The following SIPA1L2 variants were observed in gnomAD, a reference collection of about 807,000 sequenced individuals.
SIPA1L2 encodes the protein signal induced proliferation associated 1 like 2.
Under a neutral mutation model 163.9 loss-of-function variants are expected in SIPA1L2, and 56 were observed. The ratio of observed to expected loss-of-function variants is 0.34; its 90% CI spans 0.28 to 0.43. The LOEUF is 0.43. Among genes scored for constraint, SIPA1L2 ranks in the 20% least tolerant of loss-of-function variants. SIPA1L2 has a pLI of 1.00. For synonymous variants in SIPA1L2, 877 were observed against 865.7 expected, an observed-to-expected ratio of 1.01 and a Z score of -0.23; for missense variants, 1,974 against 2,193.5, an observed-to-expected ratio of 0.90 and a Z score of 2.00.
intron 15 of SIPA1L2, among the ~76,000 whole-genome samples, chr1:232,434,116 C>T (rs371398582): frequency 6.6e-6 from 1 of 152,130 alleles, no homozygotes. Flanking sequence ...ACAGGGTTCC[C>T]GCGGTAGCAA....
chr1:232,528,993 C>T (rs993398765), intron 2 of SIPA1L2, among the ~76,000 whole-genome samples: 3 of 152,180 alleles, frequency 2.0e-5, no homozygotes, highest in African/African-American at 7.2e-5. Context: ...TCTCACACCC[C>T]CACTTTATAA....
At chr1:232,601,170 T>C (rs1661578357) in intron 1 of SIPA1L2, among the ~76,000 whole-genome samples, 1 of 152,198 alleles carries the variant, frequency 6.6e-6, no homozygotes, top group African/African-American at 2.4e-5. Context: ...ACAGGCAAGA[T>C]GAAGACTGCC....
At chr1:232,522,655 G>C (rs1222353650) in intron 2 of SIPA1L2, among the ~76,000 whole-genome samples, 5 of 152,148 alleles carry the variant, frequency 3.3e-5, no homozygotes, top group African/African-American at 9.7e-5. Flanking sequence ...ATGCTGCTGA[G>C]ATGATGGTAA....
At chr1:232,614,269 T>A (rs1366401365) in intron 1 of SIPA1L2, among the ~76,000 whole-genome samples, 3 of 151,888 alleles carry the variant, frequency 2.0e-5, no homozygotes, top group Non-Finnish European at 4.4e-5. Flanking sequence ...TGTTTACCCA[T>A]TAATGGAAAG....
At chr1:232,466,370 A>C (rs948315553) in intron 8 of SIPA1L2, among the ~76,000 whole-genome samples, 5 of 152,244 alleles carry the variant, frequency 3.3e-5, no homozygotes, top group African/African-American at 1.2e-4. Context: ...GATCAAATGC[A>C]TAGTGTTAAT....
At chr1:232,448,151 A>T (rs907021799) in intron 10 of SIPA1L2, among the ~76,000 whole-genome samples, 8 of 152,186 alleles carry the variant, frequency 5.3e-5, no homozygotes, top group Admixed American at 5.2e-4. Context: ...TCTTTAGCCT[A>T]AAATATATGA....
In SIPA1L2 at chr1:232,607,352, T is replaced by C. The variant is rs375832110; in HGVS notation, c.-319+22517A>G. 5.2e-4 allele frequency among the ~76,000 whole-genome samples: 79 copies of C among 152,362 alleles called. 1 individual carries two copies. Among genetic ancestry groups the C allele is most frequent in the African/African-American group, 7.2e-4 (30 of 41,594 alleles). ...TAGCCTTATAAAACAAGATATTTAATTGATTTAAATTACTTGATCATATGC... is the reference window on the plus strand; with the variant it reads ...TAGCCTTATAAAACAAGATATTTAACTGATTTAAATTACTTGATCATATGC... On this transcript the variant is annotated intron_variant, in intron 1 of 22. Transcript: ENST00000674635.
intron 9 of SIPA1L2, among the ~76,000 whole-genome samples, chr1:232,463,414 C>T (rs1471037986): frequency 6.6e-6 from 1 of 152,252 alleles, no homozygotes; most frequent in Non-Finnish European, 1.5e-5. Context: ...ATCCCTTCAA[C>T]AGTCTTTGGT....
chr1:232,441,235 C>T, intron 14 of SIPA1L2, 56 bp downstream of exon 14: 1 of 1,353,116 alleles, frequency 7.4e-7, no homozygotes. Flanking sequence ...CCACTGTGTG[C>T]TGAGACAGAT....
At chr1:232,491,291 C>T (rs1457004593) in intron 4 of SIPA1L2, among the ~76,000 whole-genome samples, 2 of 152,072 alleles carry the variant, frequency 1.3e-5, no homozygotes, top group Non-Finnish European at 2.9e-5. Context: ...TGGAAATGAG[C>T]AGATGTATGC....
Position 232,432,428 on chromosome 1 carries a change from T to A in SIPA1L2, c.4075A>T (p.Ser1359Cys), listed in dbSNP as rs1227698799. 6.2e-7 allele frequency: 1 copy of A among 1,614,256 alleles called. No homozygotes were observed. ...SGSPSAHCSK[S>C]SGSLDSSKVY... ...TTGGATGAATCCAGAGACCCACTAC[T>A]TTTTGAACAGTGAGCTGAAGGGCTT... Residue 1359 changes from serine to cysteine, a missense_variant, in exon 16 of 23, where the codon AGT becomes TGT. By Grantham distance (112) the Ser-to-Cys change is moderately radical. This residue lies in a region of SIPA1L2 where 1,079 missense variants were observed against 1,150.7 expected (regional missense o/e 0.94). Transcript: ENST00000674635.
At chr1:232,429,581 A>C (rs1246790010) in intron 16 of SIPA1L2, among the ~76,000 whole-genome samples, 1 of 152,096 alleles carries the variant, frequency 6.6e-6, no homozygotes, top group South Asian at 2.1e-4. Flanking sequence ...CACAAGCTAC[A>C]GTTACAACAT....
intron 19 of SIPA1L2, among the ~76,000 whole-genome samples, chr1:232,405,441 C>T (rs892545792): frequency 1.3e-5 from 2 of 152,192 alleles, no homozygotes; most frequent in African/African-American, 2.4e-5. Flanking sequence ...AAGTAATTTG[C>T]TATTTAATTA....
chr1:232,437,757 G>T (rs559154252), intron 15 of SIPA1L2, among the ~76,000 whole-genome samples: 77 of 152,240 alleles, frequency 5.1e-4, no homozygotes, highest in African/African-American at 1.8e-3. Flanking sequence ...GGGGGCAGGG[G>T]TTGGCTTTGG....
intron 14 of SIPA1L2, 38 bp from the exon 15 acceptor site, chr1:232,439,534 T>A: frequency 6.3e-7 from 1 of 1,577,690 alleles, no homozygotes. Context: ...CTCAAGTGAA[T>A]CTTGAACTCA....
At chr1:232,486,817 TA>T (rs1665670139) in intron 5 of SIPA1L2, among the ~76,000 whole-genome samples, 1 of 152,214 alleles carries the variant, frequency 6.6e-6, no homozygotes, top group Non-Finnish European at 1.5e-5. Flanking sequence ...TGGTATCAAC[TA>T]AATACTCCCG....
At chr1:232,536,292 C>T (rs972967585) in intron 2 of SIPA1L2, among the ~76,000 whole-genome samples, 1 of 152,200 alleles carries the variant, frequency 6.6e-6, no homozygotes, top group African/African-American at 2.4e-5. Context: ...AACCATGAAG[C>T]AGAATATTCT....
chr1:232,611,763 C>A (rs778720823), intron 1 of SIPA1L2, among the ~76,000 whole-genome samples: 2 of 152,052 alleles, frequency 1.3e-5, no homozygotes, highest in African/African-American at 4.8e-5. Context: ...AATTTGCAGC[C>A]GGACAATGTG....
At chr1:232,442,429 T>G (rs1363230404) in intron 12 of SIPA1L2, among the ~76,000 whole-genome samples, 1 of 151,030 alleles carries the variant, frequency 6.6e-6, no homozygotes, top group Non-Finnish European at 1.5e-5. Flanking sequence ...GCGCCTGTAA[T>G]CCCAGCTACC....
Sources: gnomAD v4.1 joint callset for allele counts (sites outside exome capture counted in the v4.1 genomes callset) on GRCh38, gnomAD v4.1.1 for gene constraint, gnomAD v4.1.1 regional missense constraint, MANE v1.5 for transcripts, NCBI Gene and HGNC (gene_info 2026-07-23, HGNC 2026-07-21) for gene names.